NHEJ1: variants seen among roughly 807,000 people sequenced by gnomAD.
NHEJ1 encodes the protein non-homologous end-joining factor 1.
A neutral mutation model predicts 39.4 loss-of-function variants in NHEJ1; 22 were observed. The ratio of observed to expected loss-of-function variants is 0.56; its 90% CI spans 0.40 to 0.80. The LOEUF (loss-of-function observed/expected upper bound fraction) is 0.80. Among genes scored for constraint, NHEJ1 ranks in the 30% least tolerant of loss-of-function variants. The probability of loss-of-function intolerance (pLI) is 0.00; values close to 1 mark genes in which losing one functional copy is unlikely to be tolerated. For synonymous variants in NHEJ1, 154 were observed against 135.6 expected (o/e 1.14, Z -0.94); for missense variants, 329 against 357.1 (o/e 0.92, Z 0.63).
chr2:219,109,091 C>CA (rs1310004720), intron 5 of NHEJ1, among the ~76,000 whole-genome samples: 1 of 152,194 alleles, frequency 6.6e-6, no homozygotes, highest in African/African-American at 2.4e-5. Context: ...AGTGCCCCAG[C>CA]ACCTAAACTA....
Position 219,069,950 on chromosome 2 carries a change from T to C in NHEJ1, c.*6431A>G, listed in dbSNP as rs972033398. 1.3e-5 allele frequency: 2 copies of C among 152,314 alleles called. No homozygotes were observed. Among genetic ancestry groups the C allele is most frequent in the East Asian group, 3.9e-4 (2 of 5,182 alleles). The allele number at this position is 152,314 out of a possible 1,614,324, so 9.4% of individuals were successfully genotyped here. A position where few individuals can be genotyped will look rare whatever the true frequency, so the allele number is the denominator to read the frequency against. On this transcript the variant is annotated 3_prime_UTR_variant, in exon 8 of 8. Coordinates refer to ENST00000356853, the MANE Select transcript of NHEJ1 (RefSeq NM_024782.3). ...GGGAATGGCACTGGCTTGTAGGAAA[T>C]GTATTGGGAATGAGATAGAGAAATC...
intron 3 of NHEJ1, among the ~76,000 whole-genome samples, chr2:219,155,712 G>A (rs1346579176): frequency 6.6e-6 from 1 of 151,960 alleles, no homozygotes; most frequent in Non-Finnish European, 1.5e-5. Context: ...CACGAGGTCA[G>A]GAAATCGAGA....
At chr2:219,126,482 A>G (rs988675494) in intron 5 of NHEJ1, among the ~76,000 whole-genome samples, 1 of 152,198 alleles carries the variant, frequency 6.6e-6, no homozygotes, top group Non-Finnish European at 1.5e-5. Context: ...ATTTGTGTTG[A>G]ACTTTACCCA....
At chr2:219,152,670 T>C (rs917520180) in intron 3 of NHEJ1, among the ~76,000 whole-genome samples, 1 of 152,060 alleles carries the variant, frequency 6.6e-6, no homozygotes, top group African/African-American at 2.4e-5. Context: ...TTTCACTGTG[T>C]TGCCCAGGCT....
chr2:219,139,912 C>G (rs2106357047), intron 5 of NHEJ1, among the ~76,000 whole-genome samples: 1 of 152,352 alleles, frequency 6.6e-6, no homozygotes, highest in Non-Finnish European at 1.5e-5. Flanking sequence ...ATTTCCTGAC[C>G]TCATGATCCA....
At chr2:219,139,141 G>C (rs1949665872) in intron 5 of NHEJ1, among the ~76,000 whole-genome samples, 1 of 151,824 alleles carries the variant, frequency 6.6e-6, no homozygotes, top group Admixed American at 6.6e-5. Flanking sequence ...AGGCTGGAGT[G>C]CAGTGGTGTG....
rs1948958258 is a variant in NHEJ1, at chr2:219,071,641, G to C, written c.*4740C>G. 6.6e-6 allele frequency among the ~76,000 whole-genome samples: 1 copy of C among 152,238 alleles called. No homozygotes were observed. Among genetic ancestry groups the C allele is most frequent in the Admixed American group, 6.5e-5 (1 of 15,284 alleles). On this transcript the variant is annotated 3_prime_UTR_variant, in exon 8 of 8. Coordinates refer to ENST00000356853, the MANE Select transcript of NHEJ1 (RefSeq NM_024782.3). ...GCCCCAGAGTAAGGGCAGAGAGGAA[G>C]AGTGTGGCACTGCATGCTCCTTTAA...
chr2:219,158,242 G>A lies in NHEJ1; in HGVS notation c.121C>T (p.Leu41Phe). ...KQGYALLVSD[L>F]QQVWHEQVDT... Reference sequence around the variant, plus strand: ...ACCTGTTCATGCCACACCTGTTGAAGATCTGAAACCAACAAGGCATAGCCC... The same window carrying A: ...ACCTGTTCATGCCACACCTGTTGAAAATCTGAAACCAACAAGGCATAGCCC... The change falls in exon 2 of 8, where the codon CTT (leucine) becomes TTT (phenylalanine). Residue 41 changes from leucine (L) to phenylalanine (F), a missense_variant. By Grantham distance (22) the Leu-to-Phe change is conservative. Transcript: ENST00000356853. 1.2e-6 allele frequency: 2 copies of A among 1,614,220 alleles called. No homozygotes were observed. The highest frequency in any genetic ancestry group is 1.7e-6 in the Non-Finnish European group (2 of 1,180,054).
chr2:219,159,576 C>T (rs144945845), intron 1 of NHEJ1, among the ~76,000 whole-genome samples: 2 of 68,974 alleles, frequency 2.9e-5, no homozygotes, highest in Non-Finnish European at 5.0e-5. Context: ...TATATATATG[C>T]ATATATATAT....
chr2:219,072,458 C>T lies in NHEJ1; in HGVS notation c.*3923G>A, dbSNP rs550633810. 2.6e-5 allele frequency among the ~76,000 whole-genome samples: 4 copies of T among 152,196 alleles called. No homozygotes were observed. The highest frequency in any genetic ancestry group is 9.7e-5 in the African/African-American group (4 of 41,450). On this transcript the variant is annotated 3_prime_UTR_variant, in exon 8 of 8. Transcript: ENST00000356853. ...CAGTATGTCACTTATTCCTTTCTAA[C>T]AGTTTTTTCTTCAAGAAAAATTAGA... is the stretch of plus-strand genomic sequence containing the variant.
Position 219,076,291 on chromosome 2 carries a change from T to C in NHEJ1, c.*90A>G, listed in dbSNP as rs765142659. The C allele has an allele frequency of 3.6e-4, 584 of 1,610,886 alleles. 1 individual carries two copies. The highest frequency in any genetic ancestry group is 4.8e-4 in the Non-Finnish European group (566 of 1,178,600). On this transcript the variant is annotated 3_prime_UTR_variant, in exon 8 of 8. Coordinates refer to ENST00000356853, the MANE Select transcript of NHEJ1 (RefSeq NM_024782.3). ...GAGGCCTCTGACTGTATCACTATTT[T>C]AGAAATATTGCTGCCATGTAAGCTT...
At chr2:219,095,458 TA>T (rs1461349896) in intron 5 of NHEJ1, 1 of 398,350 alleles carries the variant, frequency 2.5e-6, no homozygotes, top group African/African-American at 2.1e-5. Context: ...TACAATGCTT[TA>T]AACCTAATGG....
intron 5 of NHEJ1, among the ~76,000 whole-genome samples, chr2:219,145,968 A>G (rs771390475): frequency 3.3e-5 from 5 of 152,094 alleles, no homozygotes; most frequent in Non-Finnish European, 5.9e-5. Flanking sequence ...AAAATGGGGC[A>G]ATAATACTAA....
rs762925783 is a variant in NHEJ1 at position 219,108,813 on chromosome 2, GA to G, written c.589-30608del. Among the ~76,000 whole-genome samples, 141 of 142,176 alleles carry G rather than the reference GA, an allele frequency of 9.9e-4. 1 individual carries two copies. Among genetic ancestry groups the G allele is most frequent in the Admixed American group, 2.2e-3 (31 of 14,310 alleles). The allele number at this position is 142,176 out of a possible 152,430, so 93.3% of individuals were successfully genotyped here. A position where few individuals can be genotyped will look rare whatever the true frequency, so the allele number is the denominator to read the frequency against. ...AGGCTTTGTGAAGTTATCCTGGGTG[GA>G]AAAAAAAAAAGGTTTTTCTAAGGTA... On this transcript the variant is annotated intron_variant, in intron 5 of 7. Transcript: ENST00000356853.
Position 219,111,565 on chromosome 2 carries a change from G to A in NHEJ1, c.589-33359C>T, listed in dbSNP as rs1949364997. On this transcript the variant is annotated intron_variant, in intron 5 of 7. Transcript: ENST00000356853. This position sits in a 1 kb window ranked among gnomAD's most constrained non-coding sequence, Gnocchi z 4.1. Reference sequence around the variant, plus strand: ...AGCCCCAAATGTCTTTCATGAGACAGTGTGGCCAAGCCAGTGGGCTGCAGG... The same window carrying A: ...AGCCCCAAATGTCTTTCATGAGACAATGTGGCCAAGCCAGTGGGCTGCAGG... 6.6e-6 allele frequency among the ~76,000 whole-genome samples: 1 copy of A among 151,878 alleles called. No individual in the cohort carries two copies. The highest frequency in any genetic ancestry group is 2.4e-5 in the African/African-American group (1 of 41,326).
At chr2:219,135,444 T>C (rs1457363517) in intron 5 of NHEJ1, among the ~76,000 whole-genome samples, 1 of 152,010 alleles carries the variant, frequency 6.6e-6, no homozygotes, top group Non-Finnish European at 1.5e-5. Context: ...TTGTCTCTAC[T>C]AAAAATACAA....
chr2:219,133,471 A>G (rs1448727584), intron 5 of NHEJ1, among the ~76,000 whole-genome samples: 1 of 152,264 alleles, frequency 6.6e-6, no homozygotes, highest in Non-Finnish European at 1.5e-5. Context: ...AGTTAGAAGA[A>G]GAAACAAAAT....
intron 5 of NHEJ1, among the ~76,000 whole-genome samples, chr2:219,123,796 A>G (rs975434774): frequency 6.6e-6 from 1 of 152,196 alleles, no homozygotes; most frequent in Admixed American, 6.5e-5. Flanking sequence ...AGGAACAGAG[A>G]GGCCTGTAGG....
At chr2:219,160,596 C>T (rs1355281930) in intron 1 of NHEJ1, 124 bp downstream of exon 1, 9 of 151,012 alleles carry the variant, frequency 6.0e-5, no homozygotes, top group African/African-American at 2.2e-4. Flanking sequence ...CGGAGGCCTG[C>T]CCTGGACCCC....
Sources: allele counts gnomAD v4.1 joint callset (sites outside exome capture counted in the v4.1 genomes callset), GRCh38; gene constraint gnomAD v4.1.1; non-coding constraint Gnocchi (gnomAD v3.1); transcripts MANE v1.5; gene names NCBI Gene and HGNC (gene_info 2026-07-23, HGNC 2026-07-21).